PRH1: variants seen among roughly 807,000 people sequenced by gnomAD.
PRH1 encodes the protein proline rich protein HaeIII subfamily 1.
Under a neutral mutation model 7.9 loss-of-function variants are expected in PRH1, and 7 were observed. The ratio of observed to expected loss-of-function variants is 0.89; its 90% CI spans 0.50 to 1.67. PRH1 has a LOEUF of 1.67. Among genes scored for constraint, PRH1 ranks in the 40% most tolerant of loss-of-function variants. PRH1 has a pLI of 0.00. For synonymous variants in PRH1, 45 were observed against 80.8 expected (o/e 0.56, Z 2.38); for missense variants, 109 against 223.6 (o/e 0.49, Z 3.27).
At chr12:11,166,358 C>A (rs955370488) in intron 1 of PRH1, 1 of 152,462 alleles carries the variant, frequency 6.6e-6, no homozygotes, top group African/African-American at 2.4e-5. Context: ...CAGCATGCAG[C>A]CCAGAGCAAG....
chr12:11,055,331 T>C (rs116095312), intron 1 of PRH1, among the ~76,000 whole-genome samples: 1 of 63,670 alleles, frequency 1.6e-5, no homozygotes, highest in Non-Finnish European at 4.3e-5. Flanking sequence ...TTATGGATAA[T>C]AATGATGAGT....
Position 10,997,479 on chromosome 12 carries a change from C to G in PRH1, c.-125-23758G>C, listed in dbSNP as rs1478037094. The G allele has an allele frequency of 2.5e-6, 4 of 1,613,932 alleles. No homozygotes were observed. The highest frequency in any genetic ancestry group is 2.5e-6 in the Non-Finnish European group (3 of 1,179,940). ...ACCAAAAAGAACAAAGACCCCAACA[C>G]TATCACCAGAACTACACTCTTAGCC... On this transcript the variant is annotated intron_variant, in intron 1 of 3. Transcript: ENST00000539853.
chr12:10,958,950 GC>G (rs1281977470), intron 2 of PRH1, among the ~76,000 whole-genome samples: 1 of 152,188 alleles, frequency 6.6e-6, no homozygotes, highest in African/African-American at 2.4e-5. Flanking sequence ...CTCTCTGGCT[GC>G]CACCTTGAGA....
intron 2 of PRH1, among the ~76,000 whole-genome samples, chr12:10,952,254 C>A (rs80316384): frequency 3.9e-5 from 6 of 152,100 alleles, no homozygotes. Flanking sequence ...CAACAACTAG[C>A]ATAAGATAAA....
intron 1 of PRH1, among the ~76,000 whole-genome samples, chr12:11,069,839 T>C (rs1267927549): frequency 1.3e-5 from 2 of 152,284 alleles, no homozygotes; most frequent in East Asian, 1.9e-4. Context: ...GAACAAGAAT[T>C]CAATAATTGA....
intron 1 of PRH1, among the ~76,000 whole-genome samples, chr12:11,136,228 T>G (rs1946549597): frequency 6.6e-6 from 1 of 152,202 alleles, no homozygotes; most frequent in Non-Finnish European, 1.5e-5. Flanking sequence ...TCTGTGTAGG[T>G]GCATTCCTAC....
chr12:11,142,145 G>A (rs1258105186), intron 1 of PRH1, among the ~76,000 whole-genome samples: 4 of 151,960 alleles, frequency 2.6e-5, no homozygotes, highest in South Asian at 2.1e-4. Flanking sequence ...CATGACATCC[G>A]TCTCCAACAA....
chr12:10,921,925 C>G (rs886410314), intron 2 of PRH1, among the ~76,000 whole-genome samples: 3 of 152,110 alleles, frequency 2.0e-5, no homozygotes, highest in Non-Finnish European at 4.4e-5. Context: ...CACCACCATA[C>G]CCGGCTAATT....
upstream of PRH1, among the ~76,000 whole-genome samples, chr12:10,885,233 C>T (rs1292298272): frequency 2.6e-5 from 4 of 152,198 alleles, no homozygotes; most frequent in Non-Finnish European, 4.4e-5. Context: ...TCTGCTTTTA[C>T]TCAGTAATTA....
At chr12:10,977,366 C>T (rs568248433) in intron 1 of PRH1, among the ~76,000 whole-genome samples, 1 of 152,234 alleles carries the variant, frequency 6.6e-6, no homozygotes, top group Non-Finnish European at 1.5e-5. Flanking sequence ...AATTCAACAT[C>T]TCTTCATATT....
intron 1 of PRH1, chr12:10,996,888 T>A: frequency 6.7e-7 from 1 of 1,483,834 alleles, no homozygotes; most frequent in South Asian, 1.4e-5. Context: ...ATATAAAATG[T>A]TCCAGACACC....
intron 1 of PRH1, among the ~76,000 whole-genome samples, chr12:11,012,850 A>G (rs1941125981): frequency 1.3e-5 from 2 of 152,136 alleles, no homozygotes; most frequent in Non-Finnish European, 2.9e-5. Context: ...AACTGCACCT[A>G]GCTGAGAACT....
chr12:11,128,847 T>TA (rs372264191), intron 1 of PRH1, among the ~76,000 whole-genome samples: 9 of 152,382 alleles, frequency 5.9e-5, no homozygotes, highest in African/African-American at 2.2e-4. Flanking sequence ...ACCTGTTTGC[T>TA]ATAAGCAGGA....
chr12:10,988,224 T>C (rs1939748895), intron 1 of PRH1, among the ~76,000 whole-genome samples: 1 of 152,124 alleles, frequency 6.6e-6, no homozygotes, highest in Admixed American at 6.5e-5. Context: ...ATATCTAACG[T>C]AGTTTTGGAG....
intron 1 of PRH1, among the ~76,000 whole-genome samples, chr12:11,064,664 C>T (rs1292953758): frequency 6.6e-6 from 1 of 152,086 alleles, no homozygotes; most frequent in African/African-American, 2.4e-5. Context: ...ATAATTACCC[C>T]AACAAGACAT....
chr12:11,039,665 C>T (rs1417355490), intron 1 of PRH1, among the ~76,000 whole-genome samples: 4 of 152,242 alleles, frequency 2.6e-5, no homozygotes, highest in East Asian at 3.8e-4. Context: ...ATATTTTCAA[C>T]GCCAGTAATA....
At position 10,983,955 on chromosome 12, in the gene PRH1, G is replaced by A. The variant is rs371511841; in HGVS notation, c.-125-10234C>T. ...CTAGACACCCAAGGCTAAGATACTC[G>A]TTTAGTGTTATAATTGTTATTTATG... On this transcript the variant is annotated intron_variant, in intron 1 of 3. Coordinates refer to the PRH1 transcript ENST00000539853. Among the ~76,000 whole-genome samples the A allele has an allele frequency of 4.6e-5, 7 of 152,176 alleles. No homozygotes were observed. In the East Asian group the frequency reaches 7.7e-4, roughly 17 times the overall value.
chr12:10,916,589 G>A (rs1949975508), intron 2 of PRH1, among the ~76,000 whole-genome samples: 2 of 152,038 alleles, frequency 1.3e-5, no homozygotes, highest in South Asian at 2.1e-4. Context: ...AGAGTTGGTG[G>A]AAGGAATGGG....
intron 1 of PRH1, among the ~76,000 whole-genome samples, chr12:11,015,095 G>T (rs1159605083): frequency 6.6e-6 from 1 of 152,042 alleles, no homozygotes; most frequent in Non-Finnish European, 1.5e-5. Context: ...CAACCTTCTG[G>T]GGGCATTCCA....
Sources: gnomAD v4.1 joint callset for allele counts (sites outside exome capture counted in the v4.1 genomes callset) on GRCh38, gnomAD v4.1.1 for gene constraint, MANE v1.5 for transcripts, NCBI Gene and HGNC (gene_info 2026-07-23, HGNC 2026-07-21) for gene names.